ASPM: variants seen among roughly 807,000 people sequenced by gnomAD.
The protein encoded by ASPM is assembly factor for spindle microtubules.
A neutral mutation model predicts 366.4 loss-of-function variants in ASPM; 256 were observed. That is an observed-to-expected ratio of 0.70 (90% CI 0.63 to 0.77). The LOEUF is 0.77. Among genes scored for constraint, ASPM ranks in the 30% least tolerant of loss-of-function variants. The pLI, the probability that ASPM is intolerant of heterozygous loss-of-function variation, is 0.00. For synonymous variants in ASPM, 1,414 were observed against 1,342.9 expected, an observed-to-expected ratio of 1.05 and a Z score of -1.16; for missense variants, 4,146 against 4,090.4, an observed-to-expected ratio of 1.01 and a Z score of -0.37.
intron 27 of ASPM, among the ~76,000 whole-genome samples, chr1:197,086,022 G>T (rs1656577724): frequency 6.6e-6 from 1 of 151,988 alleles, no homozygotes. Context: ...ATGTAGAAAT[G>T]GTCCCATTAA....
rs997398157 is a variant in ASPM at position 197,101,535 on chromosome 1, G to T, written c.7716C>A (p.Phe2572Leu). ...STYRMYRQYCFYQKLQWATKI... is the reference protein window; with the variant it reads ...STYRMYRQYCLYQKLQWATKI... ...TTGTAGCCCACTGAAGCTTTTGGTA[G>T]AAACAATACTGCCTATACATTCTGT... Residue 2572 changes from phenylalanine (F) to leucine (L), a missense_variant, in exon 18 of 28, where the codon TTC (phenylalanine) becomes TTA (leucine). Physicochemically the swap from Phe to Leu is conservative, Grantham distance 22. Coordinates refer to ENST00000367409, the MANE Select transcript of ASPM (RefSeq NM_018136.5). The T allele has an allele frequency of 1.7e-5, 28 of 1,609,234 alleles. No homozygotes were observed. Among genetic ancestry groups the T allele is most frequent in the Non-Finnish European group, 2.3e-5 (27 of 1,178,944 alleles).
rs201513235 is a variant in ASPM at position 197,100,703 on chromosome 1, C to T, written c.8548G>A (p.Ala2850Thr). 45 of 1,612,364 alleles carry T rather than the reference C, an allele frequency of 2.8e-5. No homozygotes were observed. Among genetic ancestry groups the T allele is most frequent in the Non-Finnish European group, 5.9e-6 (7 of 1,179,012 alleles). ...ALRIQFFLQM[A>T]VYRRRFVQQK... ...TGAACAAATCTTCTCCGATACACAG[C>T]CATCTGAAGGAAGAACTGAATCCGT... The change falls in exon 18 of 28, where the codon GCT becomes ACT. Residue 2850 changes from alanine (A) to threonine (T), a missense_variant. Ala to Thr is a moderately conservative substitution (Grantham distance 58, BLOSUM62 0). Around this residue, in one of 3 missense-constraint regions of ASPM, gnomAD observed 3,624 missense variants for 3,591.7 expected, o/e 1.01. Transcript: ENST00000367409.
At chr1:197,118,040 T>C (rs1437859138) in intron 16 of ASPM, 57 bp from the exon 17 acceptor site, 1 of 1,488,830 alleles carries the variant, frequency 6.7e-7, no homozygotes, top group Non-Finnish European at 9.3e-7. Context: ...CCTTAAATTA[T>C]TCTTTGTAAG....
In ASPM at chr1:197,101,188, A is replaced by G. The variant is rs552686283; in HGVS notation, c.8063T>C (p.Met2688Thr). ...GFKVRKDIQN[M>T]HRAATLIQSF... ...CTGAATTAGTGTGGCAGCCCGGTGCATATTTTGAATATCCTTTCGTACTTT... is the reference window on the plus strand; with the variant it reads ...CTGAATTAGTGTGGCAGCCCGGTGCGTATTTTGAATATCCTTTCGTACTTT... Residue 2688 changes from methionine (M) to threonine (T), a missense_variant, in exon 18 of 28, where the codon ATG (methionine) becomes ACG (threonine). Met to Thr is a moderately conservative substitution (Grantham distance 81). Around this residue, in one of 3 missense-constraint regions of ASPM, gnomAD observed 3,624 missense variants for 3,591.7 expected, o/e 1.01. Transcript: ENST00000367409. The G allele has an allele frequency of 1.9e-6, 3 of 1,612,382 alleles. No individual in the cohort carries two copies. The South Asian group carries it at 3.3e-5, about 18-fold the overall frequency.
In ASPM at chr1:197,128,669, T is replaced by C. The variant is rs770875836; in HGVS notation, c.2761-4A>G. On this transcript the variant is annotated splice_region_variant and splice_polypyrimidine_tract_variant and intron_variant, in intron 9 of 27. Transcript: ENST00000367409. ...CCAAAAGGATTTCTTTACTAGCCTATAAAGAAATAAGTTCCAGATATTATA... is the reference window on the plus strand; with the variant it reads ...CCAAAAGGATTTCTTTACTAGCCTACAAAGAAATAAGTTCCAGATATTATA... The C allele has an allele frequency of 2.5e-6, 4 of 1,602,818 alleles. No homozygotes were observed. The East Asian group carries it at 9.0e-5, about 36-fold the overall frequency.
intron 21 of ASPM, 26 bp from the exon 22 acceptor site, chr1:197,092,082 T>G: frequency 6.2e-7 from 1 of 1,609,838 alleles, no homozygotes; most frequent in Non-Finnish European, 8.5e-7. Context: ...CAAAGCATAT[T>G]CAAGTATCTG....
intron 17 of ASPM, among the ~76,000 whole-genome samples, chr1:197,106,956 C>T (rs1301749671): frequency 6.6e-6 from 1 of 152,098 alleles, no homozygotes; most frequent in East Asian, 1.9e-4. Context: ...TTCTTCATCT[C>T]TCCCAGTAAC....
At position 197,105,062 on chromosome 1, in the gene ASPM, T is replaced by C. The variant is rs1449598559; in HGVS notation, c.4189A>G (p.Thr1397Ala). 7 of 1,610,232 alleles carry C rather than the reference T, an allele frequency of 4.3e-6. No homozygotes were observed. Among genetic ancestry groups the C allele is most frequent in the Non-Finnish European group, 5.9e-6 (7 of 1,177,552 alleles). The change falls in exon 18 of 28, where the codon ACA (threonine) becomes GCA (alanine). Residue 1397 changes from threonine (T) to alanine (A), a missense_variant. Transcript: ENST00000367409. ...VTSYKRYLWA[T>A]VTIQRHWRAY... The stretch of plus-strand genomic sequence containing the variant: ...CGCCAATGCCTCTGAATTGTAACTG[T>C]AGCCCAAAGATATCGTTTATAAGAT...
At chr1:197,114,253 AAAATGCTAAGAACCATGTGAGCCTTCAGC>A (rs1657677085) in intron 17 of ASPM, among the ~76,000 whole-genome samples, 1 of 152,242 alleles carries the variant, frequency 6.6e-6, no homozygotes, top group Non-Finnish European at 1.5e-5. Flanking sequence ...AAATTGCTAA[AAAATGCTAAGAACCATGTGAGCCTTCAGC>A]AAATTGTAAT....
chr1:197,122,328 T>A, intron 14 of ASPM, 27 bp from the exon 15 acceptor site: 1 of 1,613,668 alleles, frequency 6.2e-7, no homozygotes. Flanking sequence ...AAGGAGAAAT[T>A]AGCCGTAGCT....
rs147820821 is a variant in ASPM, at chr1:197,143,068, T to G, written c.1184A>C (p.Gln395Pro). Residue 395 changes from glutamine (Q) to proline (P), a missense_variant, in exon 3 of 28, where the codon CAA (glutamine) becomes CCA (proline). Gln to Pro is a moderately conservative substitution (Grantham distance 76). Transcript: ENST00000367409. The part of the protein sequence containing the change: ...ESVNPILSPN[Q>P]FLKDNMAYMC... ...ATATGCCATGTTATCTTTTAAAAAT[T>G]GATTAGGGGATAAAATAGGATTAAC... The G allele has an allele frequency of 6.2e-7, 1 of 1,613,006 alleles. No individual in the cohort carries two copies. The highest frequency in any genetic ancestry group is 1.3e-5 in the African/African-American group (1 of 74,902).
chr1:197,101,237 T>C lies in ASPM; in HGVS notation c.8014A>G (p.Ile2672Val), dbSNP rs151052899. 9.3e-6 allele frequency: 15 copies of C among 1,612,158 alleles called. No individual in the cohort carries two copies. In the Admixed American group the frequency reaches 1.2e-4, roughly 13 times the overall value. Residue 2672 changes from isoleucine to valine, a missense_variant, in exon 18 of 28, where the codon ATA becomes GTA. Transcript: ENST00000367409. Reference sequence around the variant, plus strand: ...TTAAAGCCTCTGTAATAAGACTGTATACAAATAACTGCTTGGGTACGCACT... The same window carrying C: ...TTAAAGCCTCTGTAATAAGACTGTACACAAATAACTGCTTGGGTACGCACT... ...TAVRTQAVICIQSYYRGFKVR... is the reference protein window; with the variant it reads ...TAVRTQAVICVQSYYRGFKVR...
chr1:197,085,024 A>G (rs184773399), intron 27 of ASPM, among the ~76,000 whole-genome samples: 1 of 152,210 alleles, frequency 6.6e-6, no homozygotes, highest in East Asian at 1.9e-4. Context: ...ACACATACCC[A>G]ACATCCACCA....
rs776034810 is a variant in ASPM at position 197,104,531 on chromosome 1, G to T, written c.4720C>A (p.Gln1574Lys). The part of the protein sequence containing the change: ...CVIQSYWRMR[Q>K]DRVRFLNLKK... ...AGGTTTAAAAATCGAACTCTGTCTTGTCTCATTCTCCAGTATGACTGAATA... is the reference window on the plus strand; with the variant it reads ...AGGTTTAAAAATCGAACTCTGTCTTTTCTCATTCTCCAGTATGACTGAATA... Residue 1574 changes from glutamine (Q) to lysine (K), a missense_variant, in exon 18 of 28, where the codon CAA (glutamine) becomes AAA (lysine). Physicochemically the swap from Gln to Lys is moderately conservative, Grantham distance 53 (BLOSUM62 1). This residue lies in a region of ASPM where 3,624 missense variants were observed against 3,591.7 expected (regional missense o/e 1.01). Coordinates refer to ENST00000367409, the MANE Select transcript of ASPM (RefSeq NM_018136.5). The T allele has an allele frequency of 6.2e-7, 1 of 1,612,558 alleles. No homozygotes were observed. Among genetic ancestry groups the T allele is most frequent in the Admixed American group, 1.7e-5 (1 of 59,756 alleles).
chr1:197,095,259 T>C (rs773039695), intron 19 of ASPM, among the ~76,000 whole-genome samples: 1 of 151,704 alleles, frequency 6.6e-6, no homozygotes, highest in Non-Finnish European at 1.5e-5. Context: ...CTCCCTATCC[T>C]AGCCTCTGGT....
At position 197,102,583 on chromosome 1, in the gene ASPM, T is replaced by A. The variant is rs749191071; in HGVS notation, c.6668A>T (p.Tyr2223Phe). ...TATGTTTCTTTCTTTCATTGCCCAGTATCTTTGCTGTACTGTTTTTGTTAT... is the reference window on the plus strand; with the variant it reads ...TATGTTTCTTTCTTTCATTGCCCAGAATCTTTGCTGTACTGTTTTTGTTAT... ...KKITKTVQQR[Y>F]WAMKERNIQF... Residue 2223 changes from tyrosine to phenylalanine, a missense_variant, in exon 18 of 28, where the codon TAC becomes TTC. Tyr to Phe is a conservative substitution (Grantham distance 22, BLOSUM62 3). This residue lies in a region of ASPM where 3,624 missense variants were observed against 3,591.7 expected (regional missense o/e 1.01). Transcript: ENST00000367409. 1 of 1,612,386 alleles carries A rather than the reference T, an allele frequency of 6.2e-7. No homozygotes were observed. Among genetic ancestry groups the A allele is most frequent in the Admixed American group, 1.7e-5 (1 of 59,782 alleles).
intron 25 of ASPM, among the ~76,000 whole-genome samples, chr1:197,089,011 C>A (rs1280914459): frequency 2.6e-5 from 2 of 76,826 alleles, no homozygotes; most frequent in Non-Finnish European, 9.2e-5. Flanking sequence ...ATAAAAATAA[C>A]AAAACAACAT....
chr1:197,120,002 TATAATTGGATGTGAG>T (rs1657857026), intron 16 of ASPM, among the ~76,000 whole-genome samples: 1 of 152,042 alleles, frequency 6.6e-6, no homozygotes, highest in African/African-American at 2.4e-5. Flanking sequence ...AACGGAAAGA[TATAATTGGATGTGAG>T]GTAATTGTAT....
rs139654696 is a variant in ASPM, at chr1:197,135,379, G to A, written c.2027-137C>T. 203 of 873,008 alleles carry A rather than the reference G, an allele frequency of 2.3e-4. 1 individual carries two copies. In the African/African-American group the frequency reaches 3.0e-3, roughly 13 times the overall value. The allele number at this position is 873,008 out of a possible 1,614,324, so 54.1% of individuals were successfully genotyped here. A position where few individuals can be genotyped will look rare whatever the true frequency, so the allele number is the denominator to read the frequency against. ...TTGCTTTTCTACTACTTGCAGGAAA[G>A]AGCTGAAAGCATTTTGGGTAAGAAA... On this transcript the variant is annotated intron_variant, in intron 4 of 27. Transcript: ENST00000367409.
Sources: allele counts gnomAD v4.1 joint callset (sites outside exome capture counted in the v4.1 genomes callset), GRCh38; gene constraint gnomAD v4.1.1; regional missense constraint gnomAD v4.1.1; transcripts MANE v1.5; gene names NCBI Gene and HGNC (gene_info 2026-07-23, HGNC 2026-07-21).